The following PHF2 variants were observed in gnomAD, a reference collection of about 807,000 sequenced individuals.
PHF2 encodes lysine-specific demethylase PHF2.
A neutral mutation model predicts 120.5 loss-of-function variants in PHF2; 27 were observed. The observed-to-expected ratio is 0.22, with a 90% CI of 0.17 to 0.31. PHF2 has a LOEUF of 0.31. PHF2 is among the 10% of genes least tolerant of loss of function. The pLI is 1.00. For synonymous variants in PHF2, 568 were observed against 592.5 expected (o/e 0.96, Z 0.60); for missense variants, 1,024 against 1,434.8 (o/e 0.71, Z 4.63).
At chr9:93,647,901 T>A (rs1337244699) in intron 4 of PHF2, among the ~76,000 whole-genome samples, 2 of 141,800 alleles carry the variant, frequency 1.4e-5, no homozygotes, top group Non-Finnish European at 3.2e-5. Context: ...AAAAAAAAAA[T>A]TCTTTTTATA....
intron 1 of PHF2, among the ~76,000 whole-genome samples, chr9:93,605,770 T>A (rs564238488): frequency 6.6e-6 from 1 of 152,356 alleles, no homozygotes; most frequent in Admixed American, 6.5e-5. Context: ...TAATATTTCA[T>A]TGTCTGGATG....
At position 93,660,323 on chromosome 9, in the gene PHF2, A is replaced by G. The variant is rs774256762; in HGVS notation, c.1461A>G (p.Lys487=). The change falls in exon 12 of 22, where the codon AAA becomes AAG. Residue 487 remains lysine, a synonymous_variant. Transcript: ENST00000359246. ...EATPPQSLLE[K]VSKKKTPKTV... is the part of the protein sequence containing the mutation. Reference sequence around the variant, plus strand: ...CCCCGCCTCAATCCCTCCTGGAGAAAGTGTCCAAAAAAAAGACTCCCAAAA... The same window carrying G: ...CCCCGCCTCAATCCCTCCTGGAGAAGGTGTCCAAAAAAAAGACTCCCAAAA... The G allele has an allele frequency of 1.2e-6, 2 of 1,610,098 alleles. No individual in the cohort carries two copies. Among genetic ancestry groups the G allele is most frequent in the East Asian group, 2.2e-5 (1 of 44,784 alleles).
chr9:93,632,471 C>T (rs1826018052), intron 2 of PHF2, among the ~76,000 whole-genome samples: 1 of 152,166 alleles, frequency 6.6e-6, no homozygotes, highest in Admixed American at 6.5e-5. Flanking sequence ...AAATTTATTT[C>T]TTACAGTTCT....
chr9:93,625,258 C>A, intron 1 of PHF2, among the ~76,000 whole-genome samples: 1 of 152,298 alleles, frequency 6.6e-6, no homozygotes, highest in East Asian at 1.9e-4. Flanking sequence ...ATGCTTCTTT[C>A]ATTTAGTATA....
At chr9:93,576,922 G>A (rs1862829164) in intron 1 of PHF2, 51 bp downstream of exon 1, 1 of 799,968 alleles carries the variant, frequency 1.3e-6, no homozygotes, top group Non-Finnish European at 1.5e-6. Flanking sequence ...CGGCCACCTT[G>A]CCCGACCGAG....
At chr9:93,648,955 C>A in intron 4 of PHF2, 116 bp from the exon 5 acceptor site, 4 of 1,177,218 alleles carry the variant, frequency 3.4e-6, no homozygotes, top group South Asian at 1.4e-5. Flanking sequence ...CAGCCCCTGG[C>A]AGCTCCTGCT....
intron 1 of PHF2, among the ~76,000 whole-genome samples, chr9:93,600,121 T>G (rs1825176404): frequency 1.3e-5 from 2 of 151,904 alleles, no homozygotes; most frequent in Admixed American, 1.3e-4. Flanking sequence ...GTAGTATGTG[T>G]GTGGTATGTG....
intron 3 of PHF2, among the ~76,000 whole-genome samples, chr9:93,643,273 G>A (rs74837131): frequency 0.045 from 6,782 of 152,234 alleles, 237 homozygotes; most frequent in African/African-American, 0.094. Context: ...GTTCCCAACC[G>A]ATGGGTTTAG....
intron 1 of PHF2, among the ~76,000 whole-genome samples, chr9:93,613,560 CTTTTTTTTTTT>C (rs201420565): frequency 3.1e-5 from 4 of 129,054 alleles, no homozygotes; most frequent in African/African-American, 1.1e-4. Flanking sequence ...TTTTCTTTTT[CTTTTTTTTTTT>C]TTTTTTGAGA....
chr9:93,588,855 C>T (rs1361315690), intron 1 of PHF2, among the ~76,000 whole-genome samples: 1 of 152,204 alleles, frequency 6.6e-6, no homozygotes, highest in Non-Finnish European at 1.5e-5. Flanking sequence ...TGCGCCACTG[C>T]ACTCCAGCCT....
At chr9:93,649,903 AAC>A (rs980507936) in intron 5 of PHF2, among the ~76,000 whole-genome samples, 3 of 151,674 alleles carry the variant, frequency 2.0e-5, no homozygotes, top group African/African-American at 7.3e-5. Flanking sequence ...ACAACACACC[AAC>A]ACTCATAGAC....
chr9:93,651,452 C>CA (rs1826368862), intron 5 of PHF2, among the ~76,000 whole-genome samples: 1 of 152,148 alleles, frequency 6.6e-6, no homozygotes, highest in Non-Finnish European at 1.5e-5. Context: ...CCTACCAGAG[C>CA]CTTCACATGG....
chr9:93,666,988 C>G, intron 16 of PHF2, 92 bp from the exon 17 acceptor site: 2 of 918,274 alleles, frequency 2.2e-6, no homozygotes, highest in Non-Finnish European at 3.1e-6. Flanking sequence ...CTAGTTTAGT[C>G]CCTGAAGGGA....
At chr9:93,583,574 A>G (rs1862973223) in intron 1 of PHF2, among the ~76,000 whole-genome samples, 1 of 122,382 alleles carries the variant, frequency 8.2e-6, no homozygotes, top group African/African-American at 3.3e-5. Flanking sequence ...TTGTTTTCCT[A>G]ATTTTTTTTT....
intron 1 of PHF2, among the ~76,000 whole-genome samples, chr9:93,585,580 C>A (rs530816850): frequency 1.3e-5 from 2 of 152,250 alleles, no homozygotes; most frequent in Non-Finnish European, 2.9e-5. Flanking sequence ...GGGTAGGGCG[C>A]AAGGCCACAG....
Position 93,673,594 on chromosome 9 carries a change from G to A in PHF2, c.2358G>A (p.Pro786=), listed in dbSNP as rs140677384. The A allele has an allele frequency of 4.1e-3, 6,444 of 1,566,200 alleles. 78 individuals are homozygous for A. Among genetic ancestry groups the A allele is most frequent in the South Asian group, 0.023 (1,948 of 84,638 alleles). ...CTCTCTGTGCCCCTAGCCAGCCCCC[G>A]GCCTCCCCCAGCACACAGGAAGCCA... ...ALEYNPSSQP[P]ASPSTQEAIQ... is the part of the protein sequence containing the mutation. Residue 786 remains proline (P), a synonymous_variant, in exon 18 of 22, where the codon CCG becomes CCA. Coordinates refer to ENST00000359246, the MANE Select transcript of PHF2 (RefSeq NM_005392.4).
chr9:93,653,496 T>TG (rs1826404201), intron 6 of PHF2, 131 bp downstream of exon 6: 1 of 907,992 alleles, frequency 1.1e-6, no homozygotes, highest in African/African-American at 1.7e-5. Flanking sequence ...TGTCCATCCC[T>TG]GGGACAGGAG....
At position 93,678,626 on chromosome 9, in the gene PHF2, G is replaced by T. The variant is rs1247221335; in HGVS notation, c.*950G>T. The T allele has an allele frequency of 1.3e-5, 2 of 152,668 alleles. No individual in the cohort carries two copies. The highest frequency in any genetic ancestry group is 2.9e-5 in the Non-Finnish European group (2 of 68,206). The allele number at this position is 152,668 out of a possible 1,614,324, so 9.5% of individuals were successfully genotyped here. A position where few individuals can be genotyped will look rare whatever the true frequency, so the allele number is the denominator to read the frequency against. On this transcript the variant is annotated 3_prime_UTR_variant, in exon 22 of 22. Coordinates refer to ENST00000359246, the MANE Select transcript of PHF2 (RefSeq NM_005392.4). The stretch of plus-strand genomic sequence containing the variant: ...GTACCTGGATGGTGTGTCCACCATC[G>T]ACACGGAGGGGCTGGATTTGTTTCT...
rs755009485 is a variant in PHF2 at position 93,653,218 on chromosome 9, A to G, written c.642A>G (p.Lys214=). 32 of 1,614,170 alleles carry G rather than the reference A, an allele frequency of 2.0e-5. No homozygotes were observed. The East Asian group carries it at 5.6e-4, about 28-fold the overall frequency. Residue 214 remains lysine (K), a synonymous_variant, in exon 6 of 22, where the codon AAA becomes AAG. Coordinates refer to ENST00000359246, the MANE Select transcript of PHF2 (RefSeq NM_005392.4). ...TGGAGCCACCTGACATTGTAAAGAA[A>G]CTGTCATGGGTAGAAAACTACTGGC... ...SFVEPPDIVK[K]LSWVENYWPD...
Sources: allele counts gnomAD v4.1 joint callset (sites outside exome capture counted in the v4.1 genomes callset), GRCh38; gene constraint gnomAD v4.1.1; transcripts MANE v1.5; gene names NCBI Gene and HGNC (gene_info 2026-07-23, HGNC 2026-07-21).